The following IL1RAP variants were observed in gnomAD, a reference collection of about 807,000 sequenced individuals.
IL1RAP encodes interleukin-1 receptor accessory protein.
In IL1RAP, 35 loss-of-function variants were observed where a neutral mutation model predicts 60.7. The ratio of observed to expected loss-of-function variants is 0.58; its 90% confidence interval spans 0.44 to 0.76. The LOEUF is 0.76. IL1RAP is among the 30% of genes least tolerant of loss of function. IL1RAP has a pLI of 0.00. For missense variants in IL1RAP, 572 were observed against 693.9 expected, an observed-to-expected ratio of 0.82 and a Z score of 1.97; for synonymous variants, 268 against 250.9, an observed-to-expected ratio of 1.07 and a Z score of -0.64.
chr3:190,557,890 C>T (rs1230786301), intron 2 of IL1RAP, among the ~76,000 whole-genome samples: 1 of 152,088 alleles, frequency 6.6e-6, no homozygotes, highest in African/African-American at 2.4e-5. Flanking sequence ...AAACAGGATA[C>T]AAAACTGTTC....
At chr3:190,641,354 G>A (rs1733651137) in intron 9 of IL1RAP, among the ~76,000 whole-genome samples, 1 of 152,040 alleles carries the variant, frequency 6.6e-6, no homozygotes, top group African/African-American at 2.4e-5. Flanking sequence ...GTCAGCAAAT[G>A]TAGTCTGAGG....
intron 7 of IL1RAP, 59 bp from the exon 8 acceptor site, chr3:190,627,254 TTTTTGTTTTG>T (rs3038257): frequency 1.4e-4 from 165 of 1,162,992 alleles, no homozygotes; most frequent in Middle Eastern, 4.9e-4. Context: ...TTGTCTTTGT[TTTTTGTTTTG>T]TTTTGTTTTG....
At chr3:190,565,225 G>C (rs1021370391) in intron 3 of IL1RAP, among the ~76,000 whole-genome samples, 1 of 151,576 alleles carries the variant, frequency 6.6e-6, no homozygotes, top group Non-Finnish European at 1.5e-5. Flanking sequence ...TAATGCAATG[G>C]TTCTCTAATT....
At chr3:190,610,293 C>T (rs1441133037) in intron 5 of IL1RAP, among the ~76,000 whole-genome samples, 2 of 151,674 alleles carry the variant, frequency 1.3e-5, no homozygotes, top group Admixed American at 1.3e-4. Context: ...ACTACTATTT[C>T]CTAAGTGAGC....
At chr3:190,598,384 C>T (rs751224023) in intron 3 of IL1RAP, among the ~76,000 whole-genome samples, 10 of 151,852 alleles carry the variant, frequency 6.6e-5, no homozygotes, top group Non-Finnish European at 1.0e-4. Context: ...TACATAACAA[C>T]ACAATTTTTG....
chr3:190,574,457 T>C (rs1727264878), intron 3 of IL1RAP, among the ~76,000 whole-genome samples: 1 of 152,160 alleles, frequency 6.6e-6, no homozygotes, highest in African/African-American at 2.4e-5. Flanking sequence ...CAAGGTTGCT[T>C]TGGCATTATT....
downstream of IL1RAP, chr3:190,656,206 T>G (rs759834966): frequency 3.9e-6 from 6 of 1,537,258 alleles, no homozygotes; most frequent in South Asian, 7.1e-5. Flanking sequence ...CAGTTCTGGC[T>G]GGAATGAGAG....
rs767976748 is a variant in IL1RAP at position 190,645,753 on chromosome 3, A to G, written c.1256A>G (p.Glu419Gly). 1.9e-6 allele frequency: 3 copies of G among 1,613,130 alleles called. No individual in the cohort carries two copies. The highest frequency in any genetic ancestry group is 2.5e-6 in the Non-Finnish European group (3 of 1,179,120). ...VSYARNAEEE[E>G]FVLLTLRGVL... Reference sequence around the variant, plus strand: ...TATGCAAGGAATGCGGAAGAAGAAGAATTTGTATTACTGACCCTCCGTGGA... The same window carrying G: ...TATGCAAGGAATGCGGAAGAAGAAGGATTTGTATTACTGACCCTCCGTGGA... The change falls in exon 11 of 12, where the codon GAA (glutamate) becomes GGA (glycine). Residue 419 changes from glutamate (E) to glycine (G), a missense_variant. Glu to Gly is a moderately conservative substitution (Grantham distance 98). Transcript: ENST00000447382.
intron 3 of IL1RAP, among the ~76,000 whole-genome samples, chr3:190,591,841 C>T (rs1728965887): frequency 6.6e-6 from 1 of 152,148 alleles, no homozygotes; most frequent in African/African-American, 2.4e-5. Context: ...CTAATGACTG[C>T]TTAGCGTTTC....
At chr3:190,623,729 A>G (rs1731980444) in intron 7 of IL1RAP, among the ~76,000 whole-genome samples, 1 of 152,226 alleles carries the variant, frequency 6.6e-6, no homozygotes, top group Non-Finnish European at 1.5e-5. Context: ...AGGCTGCAAC[A>G]TGGGCACAAG....
chr3:190,639,234 C>A (rs1733467481), intron 9 of IL1RAP, among the ~76,000 whole-genome samples: 1 of 152,092 alleles, frequency 6.6e-6, no homozygotes, highest in Non-Finnish European at 1.5e-5. Context: ...CACTCTTTCT[C>A]TTCTTTTAGT....
chr3:190,553,014 T>C (rs1725000774), intron 1 of IL1RAP, among the ~76,000 whole-genome samples: 1 of 152,164 alleles, frequency 6.6e-6, no homozygotes, highest in Non-Finnish European at 1.5e-5. Context: ...GAAAATCCAA[T>C]GCAGTTTGTG....
At chr3:190,530,165 C>G (rs1722869805) in intron 1 of IL1RAP, among the ~76,000 whole-genome samples, 1 of 152,124 alleles carries the variant, frequency 6.6e-6, no homozygotes, top group Non-Finnish European at 1.5e-5. Context: ...GGAACCTGCC[C>G]TGGAGAGAGC....
intron 9 of IL1RAP, among the ~76,000 whole-genome samples, chr3:190,641,911 G>C (rs1466935088): frequency 6.6e-6 from 1 of 152,158 alleles, no homozygotes; most frequent in African/African-American, 2.4e-5. Flanking sequence ...CACTAACACA[G>C]CTTCTGGAAT....
chr3:190,519,972 G>A (rs2108593652), intron 1 of IL1RAP, among the ~76,000 whole-genome samples: 1 of 152,238 alleles, frequency 6.6e-6, no homozygotes, highest in East Asian at 1.9e-4. Context: ...TTAATAGTTG[G>A]CACCTAGAAG....
chr3:190,599,728 T>C (rs1577695582), intron 3 of IL1RAP, among the ~76,000 whole-genome samples: 1 of 149,352 alleles, frequency 6.7e-6, no homozygotes, highest in African/African-American at 2.5e-5. Context: ...AAAGGTGTGG[T>C]GCAGAGAGTT....
At chr3:190,617,428 T>C (rs1325313092) in intron 5 of IL1RAP, among the ~76,000 whole-genome samples, 1 of 152,210 alleles carries the variant, frequency 6.6e-6, no homozygotes, top group Non-Finnish European at 1.5e-5. Context: ...TGTGGTCGGT[T>C]GCCACAGCAA....
intron 3 of IL1RAP, among the ~76,000 whole-genome samples, chr3:190,583,802 T>C (rs1373889637): frequency 6.6e-6 from 1 of 152,214 alleles, no homozygotes; most frequent in Non-Finnish European, 1.5e-5. Flanking sequence ...GGAGCTATGA[T>C]TAAATAATTG....
At position 190,623,419 on chromosome 3, in the gene IL1RAP, A is replaced by G; in HGVS notation, c.775+4A>G. ...GTGGTCTATGAGAAAGAACCAGGTA[A>G]TTACAGCTATGTCTCTGAATTTCAC... is the stretch of plus-strand genomic sequence containing the variant. On this transcript the variant is annotated splice_donor_region_variant and intron_variant, in intron 7 of 11. Coordinates refer to ENST00000447382, the MANE Select transcript of IL1RAP (RefSeq NM_002182.4). The G allele has an allele frequency of 6.3e-7, 1 of 1,593,490 alleles. No individual in the cohort carries two copies. The highest frequency in any genetic ancestry group is 1.1e-5 in the South Asian group (1 of 90,598).
Sources: gnomAD v4.1 joint callset for allele counts (sites outside exome capture counted in the v4.1 genomes callset) on GRCh38, gnomAD v4.1.1 for gene constraint, MANE v1.5 for transcripts, NCBI Gene and HGNC (gene_info 2026-07-23, HGNC 2026-07-21) for gene names.